Variants in UBALD2 observed in about 807,000 individuals in gnomAD.
UBALD2 encodes the protein UBA like domain containing 2.
In UBALD2, 8 loss-of-function variants were observed where a neutral mutation model predicts 15.9. That is an observed-to-expected ratio of 0.50 (90% CI 0.29 to 0.91). The LOEUF (loss-of-function observed/expected upper bound fraction) is 0.91, where lower values mean the gene tolerates loss of function less well. UBALD2 is among the 40% of genes least tolerant of loss of function. The pLI is 0.07. For missense variants in UBALD2, 178 were observed against 234.8 expected (o/e 0.76, Z 1.58); for synonymous variants, 113 against 97.7 (o/e 1.16, Z -0.93).
In UBALD2 at chr17:76,269,538, G is replaced by T. The variant is rs887893260; in HGVS notation, c.184-656G>T. On this transcript the variant is annotated intron_variant, in intron 2 of 2. Coordinates refer to ENST00000327490, the MANE Select transcript of UBALD2 (RefSeq NM_182565.4). The surrounding 1 kb of genome is among the most constrained non-coding windows in gnomAD (Gnocchi z 4.6). ...GCAGACTTGGGAGCTGGGGAGGTCC[G>T]TCTTCTCAACTTGCCCTCTGCTGTG... Among the ~76,000 whole-genome samples the T allele has an allele frequency of 6.6e-6, 1 of 152,224 alleles. No individual in the cohort carries two copies. Among genetic ancestry groups the T allele is most frequent in the Admixed American group, 6.5e-5 (1 of 15,292 alleles).
In UBALD2 at chr17:76,265,930, A is replaced by G. The variant is rs1275418759; in HGVS notation, c.144A>G (p.Gln48=). The G allele has an allele frequency of 6.2e-7, 1 of 1,603,798 alleles. No individual in the cohort carries two copies. The highest frequency in any genetic ancestry group is 8.5e-7 in the Non-Finnish European group (1 of 1,175,738). The part of the protein sequence containing the change: ...QFETALSTFF[Q]ETNIPNSHHH... ...AGACCGCGCTGAGCACGTTCTTCCA[A>G]GAAACCAACATTCCCAACAGCCACC... Residue 48 remains glutamine, a synonymous_variant, in exon 2 of 3, where the codon CAA becomes CAG. Transcript: ENST00000327490.
At chr17:76,266,806 G>A (rs973039517) in intron 2 of UBALD2, among the ~76,000 whole-genome samples, 4 of 152,110 alleles carry the variant, frequency 2.6e-5, no homozygotes, top group African/African-American at 9.7e-5. Context: ...GGGGGAGGAG[G>A]GGCAGGGCTC....
chr17:76,270,601 G>T lies in UBALD2; in HGVS notation c.*96G>T. The T allele has an allele frequency of 8.6e-7, 1 of 1,168,640 alleles. No homozygotes were observed. Among genetic ancestry groups the T allele is most frequent in the Non-Finnish European group, 1.1e-6 (1 of 883,416 alleles). The allele number at this position is 1,168,640 out of a possible 1,614,324, so 72.4% of individuals were successfully genotyped here. On this transcript the variant is annotated 3_prime_UTR_variant, in exon 3 of 3. Transcript: ENST00000327490. ...GGAGGGGGGAGCCGGGGAGGGCAGG[G>T]GGTTTCCCGAAGATCGCACTGGAAG... is the stretch of plus-strand genomic sequence containing the variant.
chr17:76,270,384 T>TGGCCC lies in UBALD2; in HGVS notation c.374_375insGGCCC (p.Ile125MetfsTer86). 2.0e-6 allele frequency: 3 copies of TGGCCC among 1,504,854 alleles called. No individual in the cohort carries two copies. Among genetic ancestry groups the TGGCCC allele is most frequent in the South Asian group, 1.2e-5 (1 of 83,196 alleles). The allele number at this position is 1,504,854 out of a possible 1,614,324, so 93.2% of individuals were successfully genotyped here. ...CCGCCCAGCCACCAGGCGCCCTGGATCCCGCCCTCCTCCCCCACCACCTTC... is the reference window on the plus strand; with the variant it reads ...CCGCCCAGCCACCAGGCGCCCTGGATGGCCCCCCGCCCTCCTCCCCCACCACCTTC... On this transcript the variant is annotated frameshift_variant, in exon 3 of 3. Transcript: ENST00000327490. LOFTEE classifies it high-confidence loss of function.
chr17:76,269,495 T>C lies in UBALD2; in HGVS notation c.184-699T>C, dbSNP rs576464810. On this transcript the variant is annotated intron_variant, in intron 2 of 2. Transcript: ENST00000327490. The surrounding 1 kb of genome is among the most constrained non-coding windows in gnomAD (Gnocchi z 4.6). ...ACTCTGTGCAGCGTGGCCCAGTAGATGTTAAGAGCTTGGGCCTGCAGACTT... is the reference window on the plus strand; with the variant it reads ...ACTCTGTGCAGCGTGGCCCAGTAGACGTTAAGAGCTTGGGCCTGCAGACTT... Among the ~76,000 whole-genome samples the C allele has an allele frequency of 1.8e-4, 27 of 152,204 alleles. No homozygotes were observed. The highest frequency in any genetic ancestry group is 3.3e-4 in the Admixed American group (5 of 15,286).
At position 76,271,277 on chromosome 17, in the gene UBALD2, A is replaced by T. The variant is rs1215936721; in HGVS notation, c.*772A>T. 1 of 152,234 alleles carries T rather than the reference A, an allele frequency of 6.6e-6. No individual in the cohort carries two copies. Among genetic ancestry groups the T allele is most frequent in the Non-Finnish European group, 1.5e-5 (1 of 68,054 alleles). The allele number at this position is 152,234 out of a possible 1,614,324, so 9.4% of individuals were successfully genotyped here. On this transcript the variant is annotated 3_prime_UTR_variant, in exon 3 of 3. Coordinates refer to ENST00000327490, the MANE Select transcript of UBALD2 (RefSeq NM_182565.4). The stretch of plus-strand genomic sequence containing the variant: ...GGGCGAAATTTTAATTTAAAAACTT[A>T]AAAAGAGACTTTTCTAACTTCCCTG...
chr17:76,267,701 T>TA (rs1290294878), intron 2 of UBALD2, among the ~76,000 whole-genome samples: 2 of 150,712 alleles, frequency 1.3e-5, no homozygotes, highest in African/African-American at 2.4e-5. Flanking sequence ...GTTTCACTCT[T>TA]ATTGCCTAGG....
intron 2 of UBALD2, 100 bp downstream of exon 2, chr17:76,266,069 G>T: frequency 1.4e-6 from 2 of 1,407,096 alleles, no homozygotes; most frequent in South Asian, 1.3e-5. Context: ...TAAACAAAGA[G>T]CCAAAATGTC....
rs956779579 is a variant in UBALD2 at position 76,270,704 on chromosome 17, G to A, written c.*199G>A. 1 of 483,120 alleles carries A rather than the reference G, an allele frequency of 2.1e-6. No individual in the cohort carries two copies. Among genetic ancestry groups the A allele is most frequent in the Admixed American group, 4.0e-5 (1 of 25,266 alleles). 29.9% of individuals were successfully genotyped at this position (483,120 alleles called of 1,614,324 possible). ...CGTGGGTCCTTCAGGAGTTTTTCAGGCAAGTTTTTCCTCTGTTTTTAATAT... is the reference window on the plus strand; with the variant it reads ...CGTGGGTCCTTCAGGAGTTTTTCAGACAAGTTTTTCCTCTGTTTTTAATAT... On this transcript the variant is annotated 3_prime_UTR_variant, in exon 3 of 3. Coordinates refer to ENST00000327490, the MANE Select transcript of UBALD2 (RefSeq NM_182565.4).
chr17:76,267,134 C>T (rs1274352291), intron 2 of UBALD2, among the ~76,000 whole-genome samples: 1 of 152,140 alleles, frequency 6.6e-6, no homozygotes, highest in Non-Finnish European at 1.5e-5. Context: ...ATGGCCAGCA[C>T]CCGCCTATGC....
chr17:76,266,166 C>T (rs1272718613), intron 2 of UBALD2, among the ~76,000 whole-genome samples, 197 bp downstream of exon 2: 2 of 152,082 alleles, frequency 1.3e-5, no homozygotes, highest in Non-Finnish European at 2.9e-5. Flanking sequence ...GGCCTCGGGA[C>T]TGGTGCCCGG....
chr17:76,265,754 C>T (rs2070539977), intron 1 of UBALD2, 129 bp downstream of exon 1: 1 of 1,335,346 alleles, frequency 7.5e-7, no homozygotes, highest in African/African-American at 1.6e-5. Flanking sequence ...TACGCGGGAC[C>T]GGGGCCGGGA....
At chr17:76,265,667 G>A in intron 1 of UBALD2, 42 bp downstream of exon 1, 1 of 1,151,692 alleles carries the variant, frequency 8.7e-7, no homozygotes, top group South Asian at 4.1e-5. Context: ...CGGGGGTCGG[G>A]GACGCCGGGC....
intron 2 of UBALD2, among the ~76,000 whole-genome samples, chr17:76,268,167 T>C (rs1310419046): frequency 1.3e-5 from 2 of 152,124 alleles, no homozygotes; most frequent in Non-Finnish European, 2.9e-5. Flanking sequence ...ACTACAGACT[T>C]GAAGTGGGAG....
intron 1 of UBALD2, 39 bp from the exon 2 acceptor site, chr17:76,265,868 C>T: frequency 6.3e-7 from 1 of 1,582,642 alleles, no homozygotes; most frequent in Non-Finnish European, 8.6e-7. Context: ...TTTCCTGACT[C>T]CGCCTGGCCC....
At chr17:76,266,411 C>G (rs780171027) in intron 2 of UBALD2, among the ~76,000 whole-genome samples, 1 of 146,932 alleles carries the variant, frequency 6.8e-6, no homozygotes, top group African/African-American at 2.7e-5. Flanking sequence ...CCCCCCTCCC[C>G]CTCCACACAC....
At chr17:76,268,467 C>G (rs568947100) in intron 2 of UBALD2, among the ~76,000 whole-genome samples, 33 of 146,336 alleles carry the variant, frequency 2.3e-4, no homozygotes, top group Non-Finnish European at 4.2e-4. Flanking sequence ...TTCCTGCTGC[C>G]GAGAAGTCAT....
intron 2 of UBALD2, 45 bp from the exon 3 acceptor site, chr17:76,270,149 G>A (rs923939752): frequency 6.3e-7 from 1 of 1,589,174 alleles, no homozygotes; most frequent in Non-Finnish European, 8.5e-7. Context: ...CAGTGGCTCG[G>A]GGACCCCCGA....
intron 1 of UBALD2, 86 bp from the exon 2 acceptor site, chr17:76,265,821 G>C: frequency 4.0e-6 from 6 of 1,496,146 alleles, no homozygotes; most frequent in East Asian, 5.1e-5. Context: ...GCCGGGCGCG[G>C]AGGCGGGGAG....
Sources: gnomAD v4.1 joint callset for allele counts (sites outside exome capture counted in the v4.1 genomes callset) on GRCh38, gnomAD v4.1.1 for gene constraint, Gnocchi (gnomAD v3.1) non-coding constraint, MANE v1.5 for transcripts, NCBI Gene and HGNC (gene_info 2026-07-23, HGNC 2026-07-21) for gene names.